SGCZ: variants seen among roughly 807,000 people sequenced by gnomAD.
SGCZ encodes the protein sarcoglycan zeta.
SGCZ carries 40 observed loss-of-function variants against 41.3 expected under a neutral mutation model. That is an observed-to-expected ratio of 0.97 (90% CI 0.75 to 1.26). The LOEUF (loss-of-function observed/expected upper bound fraction) is 1.26, where lower values mean the gene tolerates loss of function less well. Ranked by LOEUF, SGCZ falls within the 50% of genes most tolerant of loss-of-function variation. The pLI is 0.00. For missense variants in SGCZ, 552 were observed against 369.8 expected (o/e 1.49, Z -4.04); for synonymous variants, 206 against 137.5 (o/e 1.50, Z -3.49).
At chr8:15,130,995 T>C (rs1807876991) in intron 1 of SGCZ, among the ~76,000 whole-genome samples, 1 of 152,176 alleles carries the variant, frequency 6.6e-6, no homozygotes, top group South Asian at 2.1e-4. Context: ...CAGCAGCCTG[T>C]AGTTTCAAAT....
At chr8:14,101,661 T>TAAAC (rs1489971322) in intron 7 of SGCZ, among the ~76,000 whole-genome samples, 1 of 151,216 alleles carries the variant, frequency 6.6e-6, no homozygotes, top group Non-Finnish European at 1.5e-5. Flanking sequence ...ATATCATTCC[T>TAAAC]AAACAGTAAA....
intron 1 of SGCZ, among the ~76,000 whole-genome samples, chr8:14,781,751 T>C (rs1800594379): frequency 6.6e-6 from 1 of 152,174 alleles, no homozygotes; most frequent in Non-Finnish European, 1.5e-5. Context: ...ACCTAAATTA[T>C]GGAGCATCAA....
At chr8:15,071,397 T>C (rs1805344864) in intron 1 of SGCZ, among the ~76,000 whole-genome samples, 1 of 152,206 alleles carries the variant, frequency 6.6e-6, no homozygotes, top group African/African-American at 2.4e-5. Context: ...GACTGGACTT[T>C]GGAAAACCTA....
chr8:15,152,909 C>T (rs1799223324), intron 1 of SGCZ, among the ~76,000 whole-genome samples: 1 of 152,128 alleles, frequency 6.6e-6, no homozygotes, highest in Non-Finnish European at 1.5e-5. Context: ...GTCAACAACC[C>T]CACTGCTCCA....
rs76913272 is a variant in SGCZ at position 14,231,780 on chromosome 8, G to C, written c.424+5812C>G. Among the ~76,000 whole-genome samples the C allele has an allele frequency of 5.2e-3, 797 of 152,160 alleles. 3 individuals carry two copies. Among genetic ancestry groups the C allele is most frequent in the Middle Eastern group, 0.014 (4 of 294 alleles). On this transcript the variant is annotated intron_variant, in intron 4 of 7. Coordinates refer to ENST00000382080, the MANE Select transcript of SGCZ (RefSeq NM_139167.4). ...TTAAACAAAATGTACATTTTATTCA[G>C]CACATGTGAGAAAAACGTGTTTGTT...
At chr8:14,912,283 T>C (rs1799299480) in intron 1 of SGCZ, among the ~76,000 whole-genome samples, 1 of 151,940 alleles carries the variant, frequency 6.6e-6, no homozygotes, top group African/African-American at 2.4e-5. Context: ...AAAGTTATGG[T>C]TTGTAGTTTT....
chr8:14,613,972 T>A (rs1173364957), intron 1 of SGCZ, among the ~76,000 whole-genome samples: 3 of 152,174 alleles, frequency 2.0e-5, no homozygotes, highest in Non-Finnish European at 4.4e-5. Context: ...ACAGATTGAT[T>A]TTTTTAGAAA....
rs111690019 is a variant in SGCZ at position 14,770,635 on chromosome 8, C to T, written c.40-215709G>A. ...GGTAAGCACAGATTTCACTTGTGTG[C>T]ACAGATGTCCATTATGTATTTACTC... On this transcript the variant is annotated intron_variant, in intron 1 of 7. Coordinates refer to ENST00000382080, the MANE Select transcript of SGCZ (RefSeq NM_139167.4). Among the ~76,000 whole-genome samples the T allele has an allele frequency of 1.3e-3, 197 of 152,104 alleles. 1 individual carries two copies. Among genetic ancestry groups the T allele is most frequent in the African/African-American group, 4.4e-3 (182 of 41,500 alleles).
chr8:14,615,117 A>G (rs1806056813), intron 1 of SGCZ, among the ~76,000 whole-genome samples: 1 of 152,196 alleles, frequency 6.6e-6, no homozygotes, highest in Non-Finnish European at 1.5e-5. Context: ...ATGACAGTAA[A>G]GGAGAAACAT....
intron 2 of SGCZ, among the ~76,000 whole-genome samples, chr8:14,530,738 T>C (rs1803102504): frequency 1.3e-5 from 2 of 151,946 alleles, no homozygotes; most frequent in African/African-American, 4.8e-5. Context: ...GCCCCATCTA[T>C]TCTGGAGGCT....
At chr8:15,118,283 T>C (rs1807345054) in intron 1 of SGCZ, among the ~76,000 whole-genome samples, 1 of 152,212 alleles carries the variant, frequency 6.6e-6, no homozygotes, top group East Asian at 1.9e-4. Context: ...TGAGGAAATG[T>C]CTTTAAGAGA....
At chr8:15,036,487 G>C (rs1032388464) in intron 1 of SGCZ, among the ~76,000 whole-genome samples, 28 of 151,918 alleles carry the variant, frequency 1.8e-4, no homozygotes, top group African/African-American at 6.5e-4. Context: ...AAAATAATCA[G>C]TACAACAAAC....
chr8:14,115,489 T>C (rs1802495701), intron 5 of SGCZ, among the ~76,000 whole-genome samples: 1 of 151,960 alleles, frequency 6.6e-6, no homozygotes, highest in South Asian at 2.1e-4. Context: ...AAGATTAAGA[T>C]TCCTAGGTAA....
intron 1 of SGCZ, among the ~76,000 whole-genome samples, chr8:14,813,899 G>C (rs1189391449): frequency 6.6e-6 from 1 of 152,152 alleles, no homozygotes; most frequent in Non-Finnish European, 1.5e-5. Flanking sequence ...GTTGCAGTGA[G>C]CCAAGATAGT....
At chr8:14,891,616 A>C (rs1161426736) in intron 1 of SGCZ, among the ~76,000 whole-genome samples, 1 of 152,220 alleles carries the variant, frequency 6.6e-6, no homozygotes, top group Non-Finnish European at 1.5e-5. Context: ...ATATTCCACA[A>C]ACTTAGCTGA....
chr8:14,408,966 T>TGTGTGTGTGCGTGTGC (rs1395616202), intron 2 of SGCZ, among the ~76,000 whole-genome samples: 23,711 of 136,620 alleles, frequency 0.17, 2,315 homozygotes, highest in Non-Finnish European at 0.23. Flanking sequence ...TGTGTGTGTG[T>TGTGTGTGTGCGTGTGC]GTGTGCATGT....
chr8:14,147,163 A>G (rs1489698490), intron 5 of SGCZ, among the ~76,000 whole-genome samples: 1 of 152,142 alleles, frequency 6.6e-6, no homozygotes, highest in African/African-American at 2.4e-5. Flanking sequence ...TCACTGGAGA[A>G]AATCACCTTC....
chr8:14,137,136 A>G (rs991713338), intron 5 of SGCZ, among the ~76,000 whole-genome samples: 12 of 152,308 alleles, frequency 7.9e-5, no homozygotes, highest in African/African-American at 2.6e-4. Context: ...CAGCATCAAC[A>G]AAAAGGACAT....
chr8:14,195,120 G>C (rs1026420227), intron 4 of SGCZ, among the ~76,000 whole-genome samples: 3 of 152,052 alleles, frequency 2.0e-5, no homozygotes, highest in African/African-American at 7.2e-5. Context: ...GAGGATTTTA[G>C]CCAATTAAAA....
Sources: gnomAD v4.1 joint callset for allele counts (sites outside exome capture counted in the v4.1 genomes callset) on GRCh38, gnomAD v4.1.1 for gene constraint, MANE v1.5 for transcripts, NCBI Gene and HGNC (gene_info 2026-07-23, HGNC 2026-07-21) for gene names.